ADCY10: variants seen among roughly 807,000 people sequenced by gnomAD.
ADCY10 encodes the protein adenylate cyclase type 10.
ADCY10 carries 156 observed loss-of-function variants against 183.3 expected under a neutral mutation model. That is an observed-to-expected ratio of 0.85 (90% CI 0.75 to 0.97). The LOEUF (loss-of-function observed/expected upper bound fraction) is 0.97. Among genes scored for constraint, ADCY10 ranks in the 50% least tolerant of loss-of-function variants. ADCY10 has a pLI of 0.00. For missense variants in ADCY10, 1,745 were observed against 1,934.3 expected, an observed-to-expected ratio of 0.90 and a Z score of 1.84; for synonymous variants, 645 against 670.0, an observed-to-expected ratio of 0.96 and a Z score of 0.58.
intron 14 of ADCY10, among the ~76,000 whole-genome samples, chr1:167,865,199 G>A (rs919728138): frequency 2.6e-5 from 4 of 152,160 alleles, no homozygotes; most frequent in Middle Eastern, 3.4e-3. Flanking sequence ...AAGATTAGAA[G>A]GAGGCATAAG....
chr1:167,869,011 A>G (rs1666895469), intron 14 of ADCY10, among the ~76,000 whole-genome samples: 1 of 152,242 alleles, frequency 6.6e-6, no homozygotes, highest in African/African-American at 2.4e-5. Flanking sequence ...AGAGAGGTCT[A>G]TAAAAATTTA....
intron 9 of ADCY10, 54 bp from the exon 10 acceptor site, chr1:167,880,663 G>T (rs1212383950): frequency 2.2e-6 from 3 of 1,368,960 alleles, no homozygotes; most frequent in African/African-American, 2.9e-5. Flanking sequence ...CTTTAAACTG[G>T]ACTGGCCAGA....
chr1:167,833,248 G>A, intron 24 of ADCY10, 86 bp from the exon 25 acceptor site: 1 of 1,315,732 alleles, frequency 7.6e-7, no homozygotes, highest in Non-Finnish European at 1.1e-6. Flanking sequence ...CATATTTTGG[G>A]GATTCTTATC....
At chr1:167,816,753 C>T (rs1662553528) in intron 31 of ADCY10, among the ~76,000 whole-genome samples, 1 of 151,000 alleles carries the variant, frequency 6.6e-6, no homozygotes, top group African/African-American at 2.4e-5. Context: ...AAAGACTTCT[C>T]AAACTAAAAT....
At position 167,851,814 on chromosome 1, in the gene ADCY10, C is replaced by CA. The variant is rs58140966; in HGVS notation, c.2308+2538dup. On this transcript the variant is annotated intron_variant, in intron 18 of 32. Coordinates refer to ENST00000367851, the MANE Select transcript of ADCY10 (RefSeq NM_018417.6). ...CTCCAGCCTGGGCGACAGAGTGTCT[C>CA]AAAAAAAAAAAAAAAGAAATTTAAC... Among the ~76,000 whole-genome samples the CA allele has an allele frequency of 2.5e-3, 320 of 128,262 alleles. 3 individuals are homozygous for CA. Among genetic ancestry groups the CA allele is most frequent in the Middle Eastern group, 4.1e-3 (1 of 244 alleles). 84.1% of individuals were successfully genotyped at this position (128,262 alleles called of 152,430 possible). A position where few individuals can be genotyped will look rare whatever the true frequency, so the allele number is the denominator to read the frequency against.
At chr1:167,848,907 TG>T (rs1464101175) in intron 18 of ADCY10, among the ~76,000 whole-genome samples, 3 of 152,160 alleles carry the variant, frequency 2.0e-5, no homozygotes, top group African/African-American at 7.2e-5. Flanking sequence ...CCCAAAGTGC[TG>T]GGATTACAGG....
chr1:167,880,749 T>C lies in ADCY10; in HGVS notation c.1021-140A>G, dbSNP rs1243514437. 5 of 717,414 alleles carry C rather than the reference T, an allele frequency of 7.0e-6. No individual in the cohort carries two copies. The Admixed American group carries it at 7.9e-5, about 11-fold the overall frequency. 44.4% of individuals were successfully genotyped at this position (717,414 alleles called of 1,614,324 possible). On this transcript the variant is annotated intron_variant, in intron 9 of 32. Transcript: ENST00000367851. Reference sequence around the variant, plus strand: ...TCATGATTTCTCTCACAGTATTTTATTTTTAGTACACTTCAAACACTTCTA... The same window carrying C: ...TCATGATTTCTCTCACAGTATTTTACTTTTAGTACACTTCAAACACTTCTA...
chr1:167,858,963 G>A (rs560577028), intron 16 of ADCY10, among the ~76,000 whole-genome samples: 1 of 152,246 alleles, frequency 6.6e-6, no homozygotes, highest in African/African-American at 2.4e-5. Flanking sequence ...CAGAGACTGA[G>A]GTAAAAATAG....
chr1:167,905,049 G>A lies in ADCY10; in HGVS notation c.92C>T (p.Pro31Leu), dbSNP rs769074476. 2 of 1,614,172 alleles carry A rather than the reference G, an allele frequency of 1.2e-6. No individual in the cohort carries two copies. The highest frequency in any genetic ancestry group is 2.2e-5 in the South Asian group (2 of 91,072). The change falls in exon 2 of 33, where the codon CCA (proline) becomes CTA (leucine). Residue 31 changes from proline to leucine, a missense_variant. Pro to Leu is a moderately conservative substitution (Grantham distance 98). Transcript: ENST00000367851. ...PDLIVYGHFS[P>L]ERPFMDYFDG... ...AAAATAATCCATAAAGGGTCGCTCT[G>A]GGGAGAAATGTCCATAGACAATGAG...
At chr1:167,820,139 G>C (rs1345485187) in intron 30 of ADCY10, 4 of 1,549,004 alleles carry the variant, frequency 2.6e-6, no homozygotes, top group African/African-American at 1.4e-5. Flanking sequence ...CAGCTTTTTG[G>C]ATCCCTTAAT....
At chr1:167,837,164 G>T in intron 22 of ADCY10, 85 bp downstream of exon 22, 1 of 1,300,172 alleles carries the variant, frequency 7.7e-7, no homozygotes, top group Non-Finnish European at 1.1e-6. Flanking sequence ...CAAAAGTACT[G>T]GCCAGACAAA....
At position 167,845,975 on chromosome 1, in the gene ADCY10, T is replaced by G. The variant is rs1664991843; in HGVS notation, c.2716+10A>C. ...TAAGAGGAAATTGGGTCACTCCAGGTGCTACTCACCCATCCCTTCACTGGG... is the reference window on the plus strand; with the variant it reads ...TAAGAGGAAATTGGGTCACTCCAGGGGCTACTCACCCATCCCTTCACTGGG... On this transcript the variant is annotated intron_variant, in intron 20 of 32. Transcript: ENST00000367851. 6.2e-7 allele frequency: 1 copy of G among 1,614,190 alleles called. No homozygotes were observed. The highest frequency in any genetic ancestry group is 1.7e-5 in the Admixed American group (1 of 60,016).
intron 3 of ADCY10, among the ~76,000 whole-genome samples, chr1:167,903,456 C>T (rs770884291): frequency 1.3e-5 from 2 of 150,446 alleles, no homozygotes; most frequent in African/African-American, 2.5e-5. Flanking sequence ...CCTAGCTACT[C>T]GGGAGGCTGA....
intron 25 of ADCY10, among the ~76,000 whole-genome samples, chr1:167,830,739 T>C (rs982887355): frequency 6.6e-6 from 1 of 152,176 alleles, no homozygotes; most frequent in African/African-American, 2.4e-5. Context: ...GGAAAATATC[T>C]TGGGCCCCCA....
At chr1:167,889,676 A>C (rs1012249603) in intron 8 of ADCY10, among the ~76,000 whole-genome samples, 1 of 152,210 alleles carries the variant, frequency 6.6e-6, no homozygotes, top group Non-Finnish European at 1.5e-5. Context: ...CTTTGGTAGA[A>C]TTCAGCAGTG....
At chr1:167,876,130 G>A (rs929959623) in intron 12 of ADCY10, among the ~76,000 whole-genome samples, 6 of 151,884 alleles carry the variant, frequency 4.0e-5, no homozygotes, top group Admixed American at 2.6e-4. Flanking sequence ...GGTGGCTTGC[G>A]CCTGCCATCC....
At chr1:167,868,065 T>C (rs1295129192) in intron 14 of ADCY10, among the ~76,000 whole-genome samples, 2 of 152,098 alleles carry the variant, frequency 1.3e-5, no homozygotes, top group East Asian at 3.8e-4. Flanking sequence ...GTAAATACCT[T>C]AGTAAAAGAG....
Position 167,829,252 on chromosome 1 carries a change from A to C in ADCY10, c.3750+15T>G. The C allele has an allele frequency of 6.2e-7, 1 of 1,613,912 alleles. No individual in the cohort carries two copies. Among genetic ancestry groups the C allele is most frequent in the Non-Finnish European group, 8.5e-7 (1 of 1,179,870 alleles). On this transcript the variant is annotated intron_variant, in intron 26 of 32. Coordinates refer to ENST00000367851, the MANE Select transcript of ADCY10 (RefSeq NM_018417.6). ...AATTCAGAAACTTAAAGGAGCAGCT[A>C]CAAAAATCCCCTACCTGGAAACAAT...
chr1:167,855,058 C>G (rs1344515468), intron 17 of ADCY10, among the ~76,000 whole-genome samples: 1 of 152,164 alleles, frequency 6.6e-6, no homozygotes, highest in Non-Finnish European at 1.5e-5. Flanking sequence ...CGGTGGCTCA[C>G]GCCTGTAATC....
Sources: allele counts gnomAD v4.1 joint callset (sites outside exome capture counted in the v4.1 genomes callset), GRCh38; gene constraint gnomAD v4.1.1; transcripts MANE v1.5; gene names NCBI Gene and HGNC (gene_info 2026-07-23, HGNC 2026-07-21).